Variants in PCDHGB4 observed in about 807,000 individuals in gnomAD.
The protein encoded by PCDHGB4 is protocadherin gamma-B4.
In PCDHGB4, 38 loss-of-function variants were observed where a neutral mutation model predicts 60.5. That is an observed-to-expected ratio of 0.63 (90% CI 0.48 to 0.82). The LOEUF is 0.82. Ranked by LOEUF, PCDHGB4 falls within the 40% of genes least tolerant of loss-of-function variation. The probability of loss-of-function intolerance (pLI) is 0.00; values close to 1 mark genes in which losing one functional copy is unlikely to be tolerated. For synonymous variants in PCDHGB4, 456 were observed against 509.7 expected, an observed-to-expected ratio of 0.89 and a Z score of 1.42; for missense variants, 1,109 against 1,209.6, an observed-to-expected ratio of 0.92 and a Z score of 1.23.
intron 1 of PCDHGB4, chr5:141,416,678 G>T (rs2096051953): frequency 6.6e-6 from 1 of 151,990 alleles, no homozygotes; most frequent in Non-Finnish European, 1.5e-5. Flanking sequence ...TGCAACGAAG[G>T]GAAATTATAT....
intron 1 of PCDHGB4, among the ~76,000 whole-genome samples, chr5:141,492,781 T>A (rs945023154): frequency 6.6e-6 from 1 of 152,194 alleles, no homozygotes; most frequent in African/African-American, 2.4e-5. Context: ...TGAGTGAGCC[T>A]CTATAGGACA....
At chr5:141,423,577 G>T (rs1348410879) in intron 1 of PCDHGB4, 1 of 1,613,478 alleles carries the variant, frequency 6.2e-7, no homozygotes, top group Admixed American at 1.7e-5. Flanking sequence ...CATCAGCCAG[G>T]AGAGCTGTGA....
intron 1 of PCDHGB4, chr5:141,394,190 G>A (rs1370592594): frequency 1.9e-6 from 3 of 1,613,800 alleles, no homozygotes; most frequent in African/African-American, 1.3e-5. Context: ...CCTACTCAGC[G>A]TATATCCTAG....
intron 2 of PCDHGB4, among the ~76,000 whole-genome samples, chr5:141,503,954 C>T (rs2099834393): frequency 6.6e-6 from 1 of 152,186 alleles, no homozygotes; most frequent in Non-Finnish European, 1.5e-5. Flanking sequence ...GCCTACCCTA[C>T]AGCCTTTCCC....
intron 1 of PCDHGB4, chr5:141,417,091 A>G (rs1345871347): frequency 6.6e-6 from 1 of 152,194 alleles, no homozygotes; most frequent in Non-Finnish European, 1.5e-5. Flanking sequence ...TTTTGATTAT[A>G]ATTATTTAAA....
intron 1 of PCDHGB4, among the ~76,000 whole-genome samples, chr5:141,456,059 G>A (rs1200043527): frequency 1.3e-5 from 2 of 151,662 alleles, no homozygotes; most frequent in Non-Finnish European, 1.5e-5. Flanking sequence ...CACCACGTCC[G>A]GCTAATTTTT....
At position 141,487,137 on chromosome 5, in the gene PCDHGB4, T is replaced by A. The variant is rs2154580779; in HGVS notation, c.2398-7670T>A. ...GTAAAGGATAGTGGTAGTCCACCAC[T>A]CTCTACCTCTGTTACTCTCTTAGTG... On this transcript the variant is annotated intron_variant, in intron 1 of 3. Coordinates refer to ENST00000519479, the MANE Select transcript of PCDHGB4 (RefSeq NM_003736.4). The surrounding 1 kb of genome is among the most constrained non-coding windows in gnomAD (Gnocchi z 5.0). 1.9e-6 allele frequency: 3 copies of A among 1,614,092 alleles called. No individual in the cohort carries two copies. The East Asian group carries it at 6.7e-5, about 36-fold the overall frequency.
chr5:141,489,069 C>G lies in PCDHGB4; in HGVS notation c.2398-5738C>G. ...TCAAATTCAGCTCCCCTCCCCCCTGCCCACCCCCGCCACTCGGTGACTAAG... is the reference window on the plus strand; with the variant it reads ...TCAAATTCAGCTCCCCTCCCCCCTGGCCACCCCCGCCACTCGGTGACTAAG... On this transcript the variant is annotated intron_variant, in intron 1 of 3. Coordinates refer to ENST00000519479, the MANE Select transcript of PCDHGB4 (RefSeq NM_003736.4). The surrounding 1 kb of genome is among the most constrained non-coding windows in gnomAD (Gnocchi z 4.5). 6.4e-5 allele frequency: 18 copies of G among 281,056 alleles called. No homozygotes were observed. Among genetic ancestry groups the G allele is most frequent in the Middle Eastern group, 1.1e-3 (1 of 944 alleles). 17.4% of individuals were successfully genotyped at this position (281,056 alleles called of 1,614,324 possible).
At chr5:141,438,720 G>A (rs1393152221) in intron 1 of PCDHGB4, among the ~76,000 whole-genome samples, 1 of 147,892 alleles carries the variant, frequency 6.8e-6, no homozygotes, top group Non-Finnish European at 1.5e-5. Flanking sequence ...GAGTGCAAGT[G>A]GTGTGATCTC....
At chr5:141,419,640 T>C (rs2096410171) in intron 1 of PCDHGB4, 2 of 1,612,532 alleles carry the variant, frequency 1.2e-6, no homozygotes. Context: ...GTGGTGGCCG[T>C]GGACGCGGAC....
intron 1 of PCDHGB4, chr5:141,415,950 A>G (rs996935488): frequency 4.0e-6 from 2 of 498,646 alleles, no homozygotes; most frequent in Non-Finnish European, 6.1e-6. Flanking sequence ...GGGTGGTCAC[A>G]TATTGAAACT....
chr5:141,485,426 C>T lies in PCDHGB4; in HGVS notation c.2398-9381C>T. 6.2e-7 allele frequency: 1 copy of T among 1,614,158 alleles called. No individual in the cohort carries two copies. Among genetic ancestry groups the T allele is most frequent in the South Asian group, 1.1e-5 (1 of 91,078 alleles). ...TGTGGATTTGGACAGCGGAGCCCTGCTCATCAAGAACCCAATCGACCGAGA... is the reference window on the plus strand; with the variant it reads ...TGTGGATTTGGACAGCGGAGCCCTGTTCATCAAGAACCCAATCGACCGAGA... On this transcript the variant is annotated intron_variant, in intron 1 of 3. Transcript: ENST00000519479. The surrounding 1 kb of genome is among the most constrained non-coding windows in gnomAD (Gnocchi z 5.7).
intron 2 of PCDHGB4, among the ~76,000 whole-genome samples, chr5:141,497,977 G>A (rs1368982839): frequency 6.6e-6 from 1 of 152,216 alleles, no homozygotes; most frequent in Admixed American, 6.5e-5. Context: ...CTCGATGTGG[G>A]AGGCCCCTGC....
Position 141,490,225 on chromosome 5 carries a change from G to A in PCDHGB4, c.2398-4582G>A, listed in dbSNP as rs2099697468. On this transcript the variant is annotated intron_variant, in intron 1 of 3. Coordinates refer to ENST00000519479, the MANE Select transcript of PCDHGB4 (RefSeq NM_003736.4). This position sits in a 1 kb window ranked among gnomAD's most constrained non-coding sequence, Gnocchi z 5.4. The stretch of plus-strand genomic sequence containing the variant: ...AAGAGCCCGTGACCAGGGACAGCCT[G>A]CCATGGAGGGCCACTGTGTGATTCA... The A allele has an allele frequency of 6.2e-7, 1 of 1,614,112 alleles. No homozygotes were observed. The highest frequency in any genetic ancestry group is 1.1e-5 in the South Asian group (1 of 91,090).
chr5:141,423,985 C>T (rs1334591897), intron 1 of PCDHGB4: 2 of 1,100,512 alleles, frequency 1.8e-6, no homozygotes, highest in Non-Finnish European at 2.2e-6. Flanking sequence ...ATGAGGCTCT[C>T]AATTTATTAT....
rs773688197 is a variant in PCDHGB4 at position 141,432,412 on chromosome 5, C to A, written c.2397+42131C>A. 2.5e-6 allele frequency: 4 copies of A among 1,614,128 alleles called. No homozygotes were observed. The Admixed American group carries it at 6.7e-5, about 27-fold the overall frequency. On this transcript the variant is annotated intron_variant, in intron 1 of 3. Transcript: ENST00000519479. The surrounding 1 kb of genome is among the most constrained non-coding windows in gnomAD (Gnocchi z 6.0). ...GCAGCAACGTGTCGTTGAGCCTGTT[C>A]GTGCTGGACCAGAACGACAATGCGC...
intron 1 of PCDHGB4, among the ~76,000 whole-genome samples, chr5:141,492,206 G>T (rs1180294159): frequency 6.6e-6 from 1 of 152,204 alleles, no homozygotes; most frequent in African/African-American, 2.4e-5. Context: ...TTAGGTGTGC[G>T]CGCGGGGCTC....
chr5:141,431,424 G>T lies in PCDHGB4; in HGVS notation c.2397+41143G>T, dbSNP rs747132868. 6.8e-6 allele frequency: 11 copies of T among 1,613,676 alleles called. No homozygotes were observed. The highest frequency in any genetic ancestry group is 5.9e-6 in the Non-Finnish European group (7 of 1,180,028). On this transcript the variant is annotated intron_variant, in intron 1 of 3. Coordinates refer to ENST00000519479, the MANE Select transcript of PCDHGB4 (RefSeq NM_003736.4). The surrounding 1 kb of genome is among the most constrained non-coding windows in gnomAD (Gnocchi z 4.8). ...GCCTCCGACGGGGGCGACCCGGTGC[G>T]CACAGGCACCGCGCGCATCCGCGTG...
intron 1 of PCDHGB4, chr5:141,442,166 A>G (rs2098306007): frequency 6.4e-6 from 1 of 156,354 alleles, no homozygotes; most frequent in Non-Finnish European, 1.4e-5. Flanking sequence ...TCACTCTGCA[A>G]AGCTACAGCC....
Sources: allele counts gnomAD v4.1 joint callset (sites outside exome capture counted in the v4.1 genomes callset), GRCh38; gene constraint gnomAD v4.1.1; non-coding constraint Gnocchi (gnomAD v3.1); transcripts MANE v1.5; gene names NCBI Gene and HGNC (gene_info 2026-07-23, HGNC 2026-07-21).